Variants in ZNF804A observed in about 807,000 individuals in gnomAD.
The protein encoded by ZNF804A is zinc finger protein 804A.
ZNF804A carries 2 observed loss-of-function variants against 16.5 expected under a neutral mutation model. The ratio of observed to expected loss-of-function variants is 0.12; its 90% CI spans 0.05 to 0.38. The LOEUF (loss-of-function observed/expected upper bound fraction) is 0.38. Among genes scored for constraint, ZNF804A ranks in the 10% least tolerant of loss-of-function variants. The pLI is 0.99. For synonymous variants in ZNF804A, 534 were observed against 489.6 expected (o/e 1.09, Z -1.20); for missense variants, 1,473 against 1,390.7 (o/e 1.06, Z -0.94).
intron 1 of ZNF804A, among the ~76,000 whole-genome samples, chr2:184,677,599 C>T (rs772626319): frequency 4.6e-5 from 7 of 151,888 alleles, no homozygotes; most frequent in South Asian, 2.1e-4. Flanking sequence ...TAATTTATAA[C>T]ATCAAGGTAT....
At chr2:184,845,530 G>A (rs1695498263) in intron 1 of ZNF804A, among the ~76,000 whole-genome samples, 1 of 152,110 alleles carries the variant, frequency 6.6e-6, no homozygotes, top group African/African-American at 2.4e-5. Context: ...ACTTGGGTGA[G>A]ACAGAAAGGC....
In ZNF804A at chr2:184,935,852, C is replaced by T. The variant is rs1261360689; in HGVS notation, c.456C>T (p.Ser152=). The change falls in exon 4 of 4, where the codon TCC becomes TCT. Residue 152 remains serine, a synonymous_variant. Transcript: ENST00000302277. The stretch of plus-strand genomic sequence containing the variant: ...TGAGAGAAAACTGTAATGAAATTTC[C>T]CAACGAGTTGTTGTGGATTCAGTTA... ...VTVRENCNEI[S]QRVVVDSVNN... 16 of 1,613,326 alleles carry T rather than the reference C, an allele frequency of 9.9e-6. No individual in the cohort carries two copies. Among genetic ancestry groups the T allele is most frequent in the African/African-American group, 1.3e-5 (1 of 74,830 alleles).
At chr2:184,925,801 A>C (rs1367293133) in intron 2 of ZNF804A, among the ~76,000 whole-genome samples, 4 of 152,006 alleles carry the variant, frequency 2.6e-5, no homozygotes. Context: ...GTTTTTACAC[A>C]AACAAACGTG....
At chr2:184,805,973 A>G (rs927489561) in intron 1 of ZNF804A, among the ~76,000 whole-genome samples, 1 of 152,028 alleles carries the variant, frequency 6.6e-6, no homozygotes, top group East Asian at 1.9e-4. Flanking sequence ...TAGAGGATCA[A>G]GAAGCTGAAC....
At chr2:184,766,629 CAA>C (rs1232594654) in intron 1 of ZNF804A, among the ~76,000 whole-genome samples, 34 of 97,750 alleles carry the variant, frequency 3.5e-4, no homozygotes, top group Admixed American at 5.7e-4. Flanking sequence ...GGTGGTTGCT[CAA>C]AAAAAAAAAA....
intron 1 of ZNF804A, among the ~76,000 whole-genome samples, chr2:184,639,014 T>C (rs1006491357): frequency 6.6e-6 from 1 of 152,044 alleles, no homozygotes; most frequent in Non-Finnish European, 1.5e-5. Flanking sequence ...CATCACTTTG[T>C]TAGGTATGTT....
chr2:184,658,826 A>G (rs1178916365), intron 1 of ZNF804A, among the ~76,000 whole-genome samples: 3 of 152,204 alleles, frequency 2.0e-5, no homozygotes, highest in Admixed American at 6.5e-5. Context: ...CAGGCAAAGA[A>G]TGTTTTCAGG....
intron 1 of ZNF804A, among the ~76,000 whole-genome samples, chr2:184,802,504 C>T (rs1270734334): frequency 2.6e-5 from 4 of 152,246 alleles, no homozygotes; most frequent in Admixed American, 2.0e-4. Context: ...CATTCAAACA[C>T]AACTAATTTA....
chr2:184,608,092 CCCG>C (rs1691180057), intron 1 of ZNF804A, among the ~76,000 whole-genome samples: 1 of 150,502 alleles, frequency 6.6e-6, no homozygotes, highest in Non-Finnish European at 1.5e-5. Flanking sequence ...ACTACAGGCG[CCCG>C]CCACTACGCC....
At chr2:184,729,621 A>T (rs1298790784) in intron 1 of ZNF804A, among the ~76,000 whole-genome samples, 1 of 152,142 alleles carries the variant, frequency 6.6e-6, no homozygotes, top group Non-Finnish European at 1.5e-5. Flanking sequence ...AAGTGAACAA[A>T]AAAATAGATT....
chr2:184,629,170 TC>T (rs1437535429), intron 1 of ZNF804A, among the ~76,000 whole-genome samples: 9 of 152,174 alleles, frequency 5.9e-5, no homozygotes, highest in Admixed American at 2.0e-4. Flanking sequence ...CATAGTATAT[TC>T]CTTTGTTGAT....
intron 1 of ZNF804A, among the ~76,000 whole-genome samples, chr2:184,608,152 A>T (rs1691181252): frequency 1.3e-5 from 2 of 151,286 alleles, no homozygotes; most frequent in South Asian, 4.2e-4. Flanking sequence ...TCACCGTTTT[A>T]GCCGGGATGG....
chr2:184,874,891 C>T (rs1168274723), intron 2 of ZNF804A, among the ~76,000 whole-genome samples: 1 of 152,100 alleles, frequency 6.6e-6, no homozygotes, highest in Non-Finnish European at 1.5e-5. Context: ...AAATGCAAAT[C>T]ATTATCTTAA....
intron 1 of ZNF804A, among the ~76,000 whole-genome samples, chr2:184,656,792 T>G (rs1357603911): frequency 6.6e-6 from 1 of 151,868 alleles, no homozygotes; most frequent in African/African-American, 2.4e-5. Flanking sequence ...GGACAATCAT[T>G]TTCCAGTGTC....
intron 1 of ZNF804A, among the ~76,000 whole-genome samples, chr2:184,658,604 G>GA (rs1420549508): frequency 6.6e-6 from 1 of 152,154 alleles, no homozygotes; most frequent in East Asian, 1.9e-4. Context: ...GAGAACTGGG[G>GA]ATGGTTGGTT....
intron 1 of ZNF804A, among the ~76,000 whole-genome samples, chr2:184,635,152 A>G (rs1691675865): frequency 6.6e-6 from 1 of 152,164 alleles, no homozygotes; most frequent in Non-Finnish European, 1.5e-5. Context: ...TCATACTCTT[A>G]TTTAATTGTA....
chr2:184,788,795 C>T (rs904890000), intron 1 of ZNF804A, among the ~76,000 whole-genome samples: 1 of 151,944 alleles, frequency 6.6e-6, no homozygotes, highest in African/African-American at 2.4e-5. Flanking sequence ...AATTTCACAT[C>T]CTATTTTCCA....
chr2:184,935,795 T>A lies in ZNF804A; in HGVS notation c.399T>A (p.Ser133Arg), dbSNP rs1685774701. 1 of 1,603,518 alleles carries A rather than the reference T, an allele frequency of 6.2e-7. No individual in the cohort carries two copies. Among genetic ancestry groups the A allele is most frequent in the African/African-American group, 1.3e-5 (1 of 74,564 alleles). The part of the protein sequence containing the change: ...LRKETVCAPG[S>R]GPMFKSTTVT... The stretch of plus-strand genomic sequence containing the variant: ...TTTCTCTCTCTAGTGCTCCTGGAAG[T>A]GGCCCCATGTTCAAATCAACAACTG... Residue 133 changes from serine to arginine, a missense_variant, in exon 4 of 4, where the codon AGT becomes AGA. Physicochemically the swap from Ser to Arg is moderately radical, Grantham distance 110. Transcript: ENST00000302277.
intron 2 of ZNF804A, among the ~76,000 whole-genome samples, chr2:184,925,958 G>A (rs1685603174): frequency 1.3e-5 from 2 of 151,644 alleles, no homozygotes; most frequent in Admixed American, 1.3e-4. Flanking sequence ...TCTATCTTAT[G>A]TATATCTTTA....
Sources: allele counts gnomAD v4.1 joint callset (sites outside exome capture counted in the v4.1 genomes callset), GRCh38; gene constraint gnomAD v4.1.1; transcripts MANE v1.5; gene names NCBI Gene and HGNC (gene_info 2026-07-23, HGNC 2026-07-21).